BACH2: variants seen among roughly 807,000 people sequenced by gnomAD.
BACH2 encodes transcription regulator protein BACH2.
A neutral mutation model predicts 61.8 loss-of-function variants in BACH2; 5 were observed. The observed-to-expected ratio is 0.08, with a 90% confidence interval of 0.04 to 0.17. The LOEUF (loss-of-function observed/expected upper bound fraction) is 0.17. BACH2 is among the 10% of genes least tolerant of loss of function. The pLI is 1.00. For missense variants in BACH2, 824 were observed against 1,091.1 expected (o/e 0.76, Z 3.45); for synonymous variants, 446 against 440.1 (o/e 1.01, Z -0.17).
chr6:89,951,229 G>T lies in BACH2; in HGVS notation c.877C>A (p.Leu293Met). ...TTGGCGTCAGGCTCATCTCCAGACA[G>T]GCAGAGCGTGATGCTCTCTTCCTCA... ...ENEEESITLC[L>M]SGDEPDAKDR... is the part of the protein sequence containing the mutation. The change falls in exon 7 of 9, where the codon CTG (leucine) becomes ATG (methionine). Residue 293 changes from leucine to methionine, a missense_variant. This residue lies in a region of BACH2 where 226 missense variants were observed against 228.5 expected (regional missense o/e 0.99). Transcript: ENST00000257749. The surrounding 1 kb of genome is among the most constrained non-coding windows in gnomAD (Gnocchi z 6.4). 6.2e-7 allele frequency: 1 copy of T among 1,614,106 alleles called. No homozygotes were observed. The highest frequency in any genetic ancestry group is 8.5e-7 in the Non-Finnish European group (1 of 1,180,034).
At chr6:90,231,909 AT>A (rs1770106521) in intron 3 of BACH2, among the ~76,000 whole-genome samples, 1 of 152,134 alleles carries the variant, frequency 6.6e-6, no homozygotes, top group Non-Finnish European at 1.5e-5. Flanking sequence ...AGGCATTATT[AT>A]TTTCCAAACA....
chr6:89,963,911 A>C (rs1367872295), intron 6 of BACH2, among the ~76,000 whole-genome samples: 2 of 152,228 alleles, frequency 1.3e-5, no homozygotes, highest in Non-Finnish European at 2.9e-5. Context: ...TCTAACATGG[A>C]TGAACCTTGA....
intron 5 of BACH2, among the ~76,000 whole-genome samples, chr6:90,018,564 ATCTTG>A (rs925064888): frequency 2.6e-5 from 4 of 152,230 alleles, no homozygotes; most frequent in Non-Finnish European, 4.4e-5. Context: ...CTATTACTCC[ATCTTG>A]GCTGAAAGTA....
chr6:90,265,075 C>T (rs536714408), intron 2 of BACH2, among the ~76,000 whole-genome samples: 2 of 152,290 alleles, frequency 1.3e-5, no homozygotes, highest in African/African-American at 4.8e-5. Context: ...CATTGTAACT[C>T]AAGGCATGCT....
chr6:90,088,891 T>G (rs1183671133), intron 5 of BACH2, 70 bp downstream of exon 5: 1 of 152,370 alleles, frequency 6.6e-6, no homozygotes, highest in African/African-American at 2.4e-5. Flanking sequence ...CTTGGGCTAT[T>G]TGTTACTATC....
At chr6:90,104,679 C>G (rs1782821865) in intron 4 of BACH2, among the ~76,000 whole-genome samples, 1 of 152,206 alleles carries the variant, frequency 6.6e-6, no homozygotes, top group African/African-American at 2.4e-5. Context: ...TTCCCTCGGT[C>G]CTTCCTCCCT....
chr6:90,203,712 G>A (rs1017815536), intron 4 of BACH2, among the ~76,000 whole-genome samples: 5 of 152,084 alleles, frequency 3.3e-5, no homozygotes, highest in African/African-American at 1.2e-4. Context: ...CATATTCCAC[G>A]TACACTAACA....
At chr6:90,191,171 T>C (rs1295490863) in intron 4 of BACH2, among the ~76,000 whole-genome samples, 1 of 152,248 alleles carries the variant, frequency 6.6e-6, no homozygotes, top group African/African-American at 2.4e-5. Flanking sequence ...CTGCATAACC[T>C]GGCCACATTC....
At chr6:90,090,812 A>G (rs1205445243) in intron 4 of BACH2, among the ~76,000 whole-genome samples, 3 of 152,028 alleles carry the variant, frequency 2.0e-5, no homozygotes, top group Non-Finnish European at 4.4e-5. Flanking sequence ...CATCTTCTAG[A>G]GTAGTGAGGC....
chr6:90,265,670 G>A (rs894379387), intron 2 of BACH2, among the ~76,000 whole-genome samples: 2 of 152,134 alleles, frequency 1.3e-5, no homozygotes, highest in African/African-American at 4.8e-5. Context: ...TTTTCCCAAT[G>A]AGAAATCCTA....
chr6:90,049,050 A>T (rs1779917007), intron 5 of BACH2, among the ~76,000 whole-genome samples: 1 of 152,190 alleles, frequency 6.6e-6, no homozygotes. Context: ...GTAAGCAAAA[A>T]ATAGCTAGTT....
At chr6:90,231,461 A>T (rs140684659) in intron 3 of BACH2, among the ~76,000 whole-genome samples, 67 of 152,334 alleles carry the variant, frequency 4.4e-4, no homozygotes, top group Non-Finnish European at 8.1e-4. Flanking sequence ...TAAAGGTACA[A>T]CATTCACATC....
intron 4 of BACH2, among the ~76,000 whole-genome samples, chr6:90,190,461 A>T (rs1325773194): frequency 1.3e-5 from 2 of 152,256 alleles, no homozygotes; most frequent in Non-Finnish European, 2.9e-5. Flanking sequence ...ATCCACAAAC[A>T]TTCCAGAACA....
chr6:89,981,494 T>C (rs1775956455), intron 6 of BACH2, among the ~76,000 whole-genome samples: 1 of 152,118 alleles, frequency 6.6e-6, no homozygotes, highest in African/African-American at 2.4e-5. Flanking sequence ...TGAGAGAAAG[T>C]ATTGGGGAAT....
At chr6:90,069,348 G>T (rs1236941478) in intron 5 of BACH2, among the ~76,000 whole-genome samples, 1 of 152,136 alleles carries the variant, frequency 6.6e-6, no homozygotes, top group Non-Finnish European at 1.5e-5. Context: ...TGCTTTTTCT[G>T]TTTCAGCAAC....
intron 4 of BACH2, among the ~76,000 whole-genome samples, chr6:90,113,700 T>C (rs1193107926): frequency 6.6e-6 from 1 of 151,924 alleles, no homozygotes. Flanking sequence ...AACTGAAGAA[T>C]ATTGAGACAT....
rs149521682 is a variant in BACH2 at position 90,106,637 on chromosome 6, CTG to C, written c.-161-17530_-161-17529del. ...CATCCTATCGTTAAGCAATGAATGA[CTG>C]TGCTATTATGAGGTGACAGGCATTT... On this transcript the variant is annotated intron_variant, in intron 4 of 8. Transcript: ENST00000257749. Among the ~76,000 whole-genome samples, 1,434 of 152,282 alleles carry C rather than the reference CTG, an allele frequency of 9.4e-3. 38 individuals are homozygous for C. Among genetic ancestry groups the C allele is most frequent in the East Asian group, 0.057 (295 of 5,176 alleles).
At chr6:90,196,079 G>A (rs1768748380) in intron 4 of BACH2, among the ~76,000 whole-genome samples, 1 of 151,458 alleles carries the variant, frequency 6.6e-6, no homozygotes, top group Non-Finnish European at 1.5e-5. Context: ...CATGAAGGTA[G>A]CGAGAGAATG....
intron 4 of BACH2, among the ~76,000 whole-genome samples, chr6:90,162,181 T>C (rs928854069): frequency 6.6e-6 from 1 of 152,184 alleles, no homozygotes; most frequent in Non-Finnish European, 1.5e-5. Context: ...CTGGACAATG[T>C]TTATAAATTG....
Sources: allele counts gnomAD v4.1 joint callset (sites outside exome capture counted in the v4.1 genomes callset), GRCh38; gene constraint gnomAD v4.1.1; regional missense constraint gnomAD v4.1.1; non-coding constraint Gnocchi (gnomAD v3.1); transcripts MANE v1.5; gene names NCBI Gene and HGNC (gene_info 2026-07-23, HGNC 2026-07-21).